LRRC8B: variants seen among roughly 807,000 people sequenced by gnomAD.
The protein encoded by LRRC8B is leucine rich repeat containing 8 VRAC subunit B, also known as volume-regulated anion channel subunit LRRC8B.
LRRC8B carries 23 observed loss-of-function variants against 58.8 expected under a neutral mutation model. The observed-to-expected ratio is 0.39, with a 90% confidence interval of 0.28 to 0.55. The LOEUF is 0.55. Among genes scored for constraint, LRRC8B ranks in the 20% least tolerant of loss-of-function variants. The pLI is 0.62. For synonymous variants in LRRC8B, 359 were observed against 374.1 expected, an observed-to-expected ratio of 0.96 and a Z score of 0.47; for missense variants, 694 against 936.0, an observed-to-expected ratio of 0.74 and a Z score of 3.37.
intron 1 of LRRC8B, among the ~76,000 whole-genome samples, chr1:89,552,078 T>C (rs946403219): frequency 6.6e-6 from 1 of 152,194 alleles, no homozygotes; most frequent in African/African-American, 2.4e-5. Flanking sequence ...ATATTCAGAT[T>C]TGCATTGTGT....
chr1:89,565,966 A>G (rs538525384), intron 1 of LRRC8B, among the ~76,000 whole-genome samples: 7 of 152,056 alleles, frequency 4.6e-5, no homozygotes, highest in Non-Finnish European at 7.4e-5. Flanking sequence ...GACTCATGAT[A>G]TTTTCTTCCA....
intron 1 of LRRC8B, among the ~76,000 whole-genome samples, chr1:89,549,262 A>G (rs1651636609): frequency 6.6e-6 from 1 of 152,250 alleles, no homozygotes; most frequent in Non-Finnish European, 1.5e-5. Context: ...CAACTCTATC[A>G]AAGCTAGCAA....
At chr1:89,526,466 C>T (rs888295447) in intron 1 of LRRC8B, among the ~76,000 whole-genome samples, 1 of 152,160 alleles carries the variant, frequency 6.6e-6, no homozygotes, top group African/African-American at 2.4e-5. Flanking sequence ...CCACCCACCT[C>T]GGCCTCCCAA....
intron 1 of LRRC8B, among the ~76,000 whole-genome samples, chr1:89,538,474 C>T (rs1650701150): frequency 6.6e-6 from 1 of 152,132 alleles, no homozygotes; most frequent in South Asian, 2.1e-4. Flanking sequence ...CCACCCCAAC[C>T]CCAGTGATTT....
intron 1 of LRRC8B, among the ~76,000 whole-genome samples, chr1:89,557,949 T>C (rs183460223): frequency 2.0e-4 from 31 of 152,234 alleles, no homozygotes; most frequent in Middle Eastern, 6.8e-3. Context: ...TGCTGACCAG[T>C]AAGTCAAGAA....
intron 1 of LRRC8B, among the ~76,000 whole-genome samples, chr1:89,537,068 G>A (rs1040453327): frequency 6.6e-6 from 1 of 152,102 alleles, no homozygotes; most frequent in African/African-American, 2.4e-5. Flanking sequence ...TTTCCACTGT[G>A]TCACAACTAA....
chr1:89,580,529 A>G lies in LRRC8B; in HGVS notation c.-27+841A>G, dbSNP rs375462530. ...CATCCCTCACACCCCTGGCCACATCATATTTATAGTATTTTGAGGTCTAAG... is the reference window on the plus strand; with the variant it reads ...CATCCCTCACACCCCTGGCCACATCGTATTTATAGTATTTTGAGGTCTAAG... On this transcript the variant is annotated intron_variant, in intron 4 of 5. Transcript: ENST00000330947. 4.6e-5 allele frequency among the ~76,000 whole-genome samples: 7 copies of G among 152,062 alleles called. No homozygotes were observed. In the East Asian group the frequency reaches 9.6e-4, roughly 21 times the overall value.
At chr1:89,588,910 TG>T (rs755772296) in intron 5 of LRRC8B, among the ~76,000 whole-genome samples, 1 of 152,264 alleles carries the variant, frequency 6.6e-6, no homozygotes, top group South Asian at 2.1e-4. Context: ...TTTAGATGGT[TG>T]GGGGAAGAAG....
rs1654463576 is a variant in LRRC8B, at chr1:89,584,232, A to G, written c.1582A>G (p.Thr528Ala). 1 of 1,612,422 alleles carries G rather than the reference A, an allele frequency of 6.2e-7. No individual in the cohort carries two copies. The highest frequency in any genetic ancestry group is 8.5e-7 in the Non-Finnish European group (1 of 1,180,032). The part of the protein sequence containing the change: ...SGCVLPEQLS[T>A]MQLEGFQDLK... Reference sequence around the variant, plus strand: ...CTGTGTTCTCCCTGAACAGTTGAGTACTATGCAGTTGGAGGGCTTTCAGGA... The same window carrying G: ...CTGTGTTCTCCCTGAACAGTTGAGTGCTATGCAGTTGGAGGGCTTTCAGGA... Residue 528 changes from threonine (T) to alanine (A), a missense_variant, in exon 5 of 6, where the codon ACT (threonine) becomes GCT (alanine). By Grantham distance (58) the Thr-to-Ala change is moderately conservative. Coordinates refer to ENST00000330947, the MANE Select transcript of LRRC8B (RefSeq NM_001369817.2).
chr1:89,583,005 A>G lies in LRRC8B; in HGVS notation c.355A>G (p.Lys119Glu), dbSNP rs757418253. 5 of 1,614,094 alleles carry G rather than the reference A, an allele frequency of 3.1e-6. No homozygotes were observed. The South Asian group carries it at 5.5e-5, about 18-fold the overall frequency. The change falls in exon 5 of 6, where the codon AAG becomes GAG. Residue 119 changes from lysine (K) to glutamate (E), a missense_variant. Physicochemically the swap from Lys to Glu is moderately conservative, Grantham distance 56. Coordinates refer to ENST00000330947, the MANE Select transcript of LRRC8B (RefSeq NM_001369817.2). The surrounding 1 kb of genome is among the most constrained non-coding windows in gnomAD (Gnocchi z 5.2). ...CYEKQLHWFA[K>E]FFPYLVLLHT... ...CGAGAAACAGCTCCATTGGTTTGCAAAGTTTTTCCCCTATCTGGTGCTCTT... is the reference window on the plus strand; with the variant it reads ...CGAGAAACAGCTCCATTGGTTTGCAGAGTTTTTCCCCTATCTGGTGCTCTT...
Position 89,584,318 on chromosome 1 carries a change from T to A in LRRC8B, c.1668T>A (p.Val556=). ...KSSLSRIPQV[V]TDLLPSLQKL... is the part of the protein sequence containing the mutation. ...GCCTCTCCCGGATCCCACAAGTTGT[T>A]ACAGACCTCCTGCCTTCATTGCAGA... is the stretch of plus-strand genomic sequence containing the variant. The change falls in exon 5 of 6, where the codon GTT becomes GTA. Residue 556 remains valine (V), a synonymous_variant. Transcript: ENST00000330947. 6.2e-7 allele frequency: 1 copy of A among 1,614,170 alleles called. No individual in the cohort carries two copies. Among genetic ancestry groups the A allele is most frequent in the Non-Finnish European group, 8.5e-7 (1 of 1,180,036 alleles).
At chr1:89,538,956 A>G (rs572551960) in intron 1 of LRRC8B, among the ~76,000 whole-genome samples, 2 of 152,140 alleles carry the variant, frequency 1.3e-5, no homozygotes, top group African/African-American at 2.4e-5. Context: ...TCCTGACCTC[A>G]GGTGATCCAC....
chr1:89,551,589 C>T (rs1386258530), intron 1 of LRRC8B, among the ~76,000 whole-genome samples: 1 of 152,118 alleles, frequency 6.6e-6, no homozygotes, highest in East Asian at 1.9e-4. Context: ...GCCCATACCA[C>T]AGCAAATGCT....
chr1:89,550,763 C>T (rs1428650294), intron 1 of LRRC8B, among the ~76,000 whole-genome samples: 1 of 152,076 alleles, frequency 6.6e-6, no homozygotes, highest in Admixed American at 6.6e-5. Context: ...GCCTAAATTC[C>T]TTCATTCCTG....
chr1:89,536,895 G>A (rs1390945569), intron 1 of LRRC8B, among the ~76,000 whole-genome samples: 1 of 152,088 alleles, frequency 6.6e-6, no homozygotes, highest in Non-Finnish European at 1.5e-5. Flanking sequence ...TTATATTATA[G>A]ATATACTTGA....
chr1:89,546,834 T>G (rs1472576213), intron 1 of LRRC8B, among the ~76,000 whole-genome samples: 1 of 152,172 alleles, frequency 6.6e-6, no homozygotes, highest in East Asian at 1.9e-4. Flanking sequence ...AAGAGATGTA[T>G]CAGAAATTTG....
chr1:89,538,050 A>G (rs545907756), intron 1 of LRRC8B, among the ~76,000 whole-genome samples: 1 of 152,320 alleles, frequency 6.6e-6, no homozygotes, highest in Non-Finnish European at 1.5e-5. Flanking sequence ...CTCCCCAAGT[A>G]TGTGGCTGGT....
chr1:89,554,170 C>T (rs1214055268), intron 1 of LRRC8B, among the ~76,000 whole-genome samples: 3 of 152,164 alleles, frequency 2.0e-5, no homozygotes, highest in African/African-American at 7.2e-5. Flanking sequence ...TCATTTCTGT[C>T]TCATAAATTC....
rs140306799 is a variant in LRRC8B at position 89,586,554 on chromosome 1, T to C, written c.2139+1765T>C. Reference sequence around the variant, plus strand: ...GAATGTTTCCACCAAGTTAATGTAATGAAGAAACCTTGAGACCATTAGTAC... The same window carrying C: ...GAATGTTTCCACCAAGTTAATGTAACGAAGAAACCTTGAGACCATTAGTAC... On this transcript the variant is annotated intron_variant, in intron 5 of 5. Transcript: ENST00000330947. Among the ~76,000 whole-genome samples the C allele has an allele frequency of 2.3e-3, 356 of 152,304 alleles. 1 individual carries two copies. Among genetic ancestry groups the C allele is most frequent in the African/African-American group, 8.0e-3 (334 of 41,560 alleles).
Sources: gnomAD v4.1 joint callset for allele counts (sites outside exome capture counted in the v4.1 genomes callset) on GRCh38, gnomAD v4.1.1 for gene constraint, Gnocchi (gnomAD v3.1) non-coding constraint, MANE v1.5 for transcripts, NCBI Gene and HGNC (gene_info 2026-07-23, HGNC 2026-07-21) for gene names.